MSANTD3: variants seen among roughly 807,000 people sequenced by gnomAD.
MSANTD3 encodes the protein myb/SANT-like DNA-binding domain-containing protein 3.
Under a neutral mutation model 27.7 loss-of-function variants are expected in MSANTD3, and 11 were observed. That is an observed-to-expected ratio of 0.40 (90% CI 0.25 to 0.66). The LOEUF (loss-of-function observed/expected upper bound fraction) is 0.66, where lower values mean the gene tolerates loss of function less well. MSANTD3 is among the 30% of genes least tolerant of loss of function. The probability of loss-of-function intolerance (pLI) is 0.41; values close to 1 mark genes in which losing one functional copy is unlikely to be tolerated. For synonymous variants in MSANTD3, 131 were observed against 127.2 expected (o/e 1.03, Z -0.20); for missense variants, 250 against 336.5 (o/e 0.74, Z 2.01).
intron 1 of MSANTD3, among the ~76,000 whole-genome samples, chr9:100,431,704 G>A (rs796790006): frequency 2.0e-5 from 3 of 152,318 alleles, no homozygotes; most frequent in Admixed American, 6.5e-5. Context: ...CTCACCGTCA[G>A]ATAGGGAGAG....
intron 2 of MSANTD3, among the ~76,000 whole-genome samples, chr9:100,443,793 A>G (rs1316276628): frequency 1.3e-5 from 2 of 152,178 alleles, no homozygotes; most frequent in African/African-American, 4.8e-5. Flanking sequence ...TCAGACAGGA[A>G]GTGGCCAGTT....
At chr9:100,439,085 C>T (rs1389169653) in intron 1 of MSANTD3, among the ~76,000 whole-genome samples, 3 of 152,122 alleles carry the variant, frequency 2.0e-5, no homozygotes, top group South Asian at 2.1e-4. Context: ...TTTGGAGATA[C>T]GGATTACCCT....
At chr9:100,447,286 G>A (rs1300524607) in intron 2 of MSANTD3, among the ~76,000 whole-genome samples, 1 of 152,126 alleles carries the variant, frequency 6.6e-6, no homozygotes, top group Non-Finnish European at 1.5e-5. Flanking sequence ...GCTAATATGT[G>A]TGTGAAAGTT....
chr9:100,450,523 CT>C, intron 2 of MSANTD3, 33 bp from the exon 3 acceptor site: 1 of 1,487,576 alleles, frequency 6.7e-7, no homozygotes, highest in Non-Finnish European at 8.9e-7. Flanking sequence ...CCTGTAAAAT[CT>C]TTGAACATAT....
intron 1 of MSANTD3, among the ~76,000 whole-genome samples, chr9:100,431,512 A>C (rs1836376563): frequency 6.7e-6 from 1 of 149,710 alleles, no homozygotes; most frequent in Non-Finnish European, 1.5e-5. Flanking sequence ...TGTGTTGCCC[A>C]GGCTGGTCTC....
intron 2 of MSANTD3, among the ~76,000 whole-genome samples, chr9:100,449,522 A>T (rs1355380463): frequency 1.3e-5 from 2 of 152,126 alleles, no homozygotes; most frequent in Non-Finnish European, 2.9e-5. Context: ...AGTTGGGGTG[A>T]GGTTAAAAAA....
In MSANTD3 at chr9:100,427,361, C is replaced by G. The variant is rs1380631489; in HGVS notation, c.-66C>G. 6.8e-6 allele frequency: 1 copy of G among 147,024 alleles called. No homozygotes were observed. The highest frequency in any genetic ancestry group is 2.1e-4 in the South Asian group (1 of 4,824). 9.1% of individuals were successfully genotyped at this position (147,024 alleles called of 1,614,324 possible). A position where few individuals can be genotyped will look rare whatever the true frequency, so the allele number is the denominator to read the frequency against. On this transcript the variant is annotated 5_prime_UTR_variant, in exon 1 of 3. Transcript: ENST00000395067. ...CCCTCGCGCCTCGCCGGCCCCTCCCCCGGTCGCCGCGGCTGCCGCGCCGCC... is the reference window on the plus strand; with the variant it reads ...CCCTCGCGCCTCGCCGGCCCCTCCCGCGGTCGCCGCGGCTGCCGCGCCGCC...
intron 2 of MSANTD3, among the ~76,000 whole-genome samples, chr9:100,447,589 A>G (rs1358211077): frequency 6.6e-6 from 1 of 152,188 alleles, no homozygotes; most frequent in African/African-American, 2.4e-5. Flanking sequence ...AAGATATGCA[A>G]GTGATCAGCT....
At chr9:100,437,846 TAACA>T (rs933945874) in intron 1 of MSANTD3, among the ~76,000 whole-genome samples, 4 of 152,216 alleles carry the variant, frequency 2.6e-5, no homozygotes, top group African/African-American at 7.2e-5. Flanking sequence ...CATTGAAGTA[TAACA>T]AACTGTGCTC....
chr9:100,450,791 T>A lies in MSANTD3; in HGVS notation c.653T>A (p.Val218Glu). 1 of 1,614,004 alleles carries A rather than the reference T, an allele frequency of 6.2e-7. No individual in the cohort carries two copies. Among genetic ancestry groups the A allele is most frequent in the South Asian group, 1.1e-5 (1 of 91,056 alleles). The part of the protein sequence containing the change: ...LQLQLIQMNE[V>E]HVAKIQQIER... The stretch of plus-strand genomic sequence containing the variant: ...CTGCAACTGATACAAATGAATGAGG[T>A]GCATGTGGCCAAAATCCAGCAGATA... Residue 218 changes from valine to glutamate, a missense_variant, in exon 3 of 3, where the codon GTG becomes GAG. Val to Glu is a moderately radical substitution (Grantham distance 121). Transcript: ENST00000395067.
chr9:100,440,590 ATT>A lies in MSANTD3; in HGVS notation c.-33-1298_-33-1297del, dbSNP rs71370998. ...TGCCACAGAGTGATGAAAACGTCAA[ATT>A]TTTTTTTTTTTTTTTTTGAGACAGT... On this transcript the variant is annotated intron_variant, in intron 1 of 2. Transcript: ENST00000395067. Among the ~76,000 whole-genome samples the A allele has an allele frequency of 1.2e-3, 168 of 135,252 alleles. No individual in the cohort carries two copies. The South Asian group carries it at 0.016, about 13-fold the overall frequency. The allele number at this position is 135,252 out of a possible 152,430, so 88.7% of individuals were successfully genotyped here. A position where few individuals can be genotyped will look rare whatever the true frequency, so the allele number is the denominator to read the frequency against.
chr9:100,443,807 A>G lies in MSANTD3; in HGVS notation c.418+1451A>G, dbSNP rs150801933. Among the ~76,000 whole-genome samples, 128 of 152,326 alleles carry G rather than the reference A, an allele frequency of 8.4e-4. 1 individual carries two copies. The East Asian group carries it at 0.02, about 24-fold the overall frequency. On this transcript the variant is annotated intron_variant, in intron 2 of 2. Coordinates refer to ENST00000395067, the MANE Select transcript of MSANTD3 (RefSeq NM_080655.3). ...TTCAGACAGGAAGTGGCCAGTTTAT[A>G]TAAAAATTAATTGCAGTTTGCAGAA...
intron 1 of MSANTD3, among the ~76,000 whole-genome samples, chr9:100,437,900 T>C (rs916800068): frequency 6.6e-6 from 1 of 152,198 alleles, no homozygotes; most frequent in Admixed American, 6.5e-5. Flanking sequence ...ATATTGTGCA[T>C]ATTAAACATT....
intron 2 of MSANTD3, among the ~76,000 whole-genome samples, chr9:100,442,905 TAAAG>T (rs943505587): frequency 3.3e-5 from 5 of 151,396 alleles, no homozygotes; most frequent in South Asian, 2.1e-4. Context: ...TACTTAAACA[TAAAG>T]AAAAATAAGG....
chr9:100,445,165 T>C, intron 2 of MSANTD3: 1 of 1,594,988 alleles, frequency 6.3e-7, no homozygotes, highest in Non-Finnish European at 8.6e-7. Flanking sequence ...ATTTTGCATT[T>C]CAGTTTTCTT....
chr9:100,446,827 A>AG (rs1450550160), intron 2 of MSANTD3, among the ~76,000 whole-genome samples: 5 of 146,506 alleles, frequency 3.4e-5, no homozygotes, highest in African/African-American at 1.2e-4. Context: ...ACTTCGTCTA[A>AG]AAAAAAAAAA....
intron 1 of MSANTD3, among the ~76,000 whole-genome samples, chr9:100,427,988 G>A (rs1157284480): frequency 3.9e-5 from 6 of 152,154 alleles, no homozygotes; most frequent in Non-Finnish European, 7.3e-5. Flanking sequence ...GTACTATTGT[G>A]AAAGATAATG....
chr9:100,437,813 G>T (rs1320566494), intron 1 of MSANTD3, among the ~76,000 whole-genome samples: 2 of 152,154 alleles, frequency 1.3e-5, no homozygotes, highest in Non-Finnish European at 2.9e-5. Flanking sequence ...ACATGCATAT[G>T]TATATGTATT....
chr9:100,442,532 C>T (rs1372406222), intron 2 of MSANTD3, among the ~76,000 whole-genome samples, 176 bp downstream of exon 2: 4 of 152,074 alleles, frequency 2.6e-5, no homozygotes, highest in South Asian at 2.1e-4. Flanking sequence ...TAGAAGTGGG[C>T]GTGGTGGCTC....
Sources: allele counts gnomAD v4.1 joint callset (sites outside exome capture counted in the v4.1 genomes callset), GRCh38; gene constraint gnomAD v4.1.1; transcripts MANE v1.5; gene names NCBI Gene and HGNC (gene_info 2026-07-23, HGNC 2026-07-21).